Variants in PPP2R2C observed in about 807,000 individuals in gnomAD.
PPP2R2C encodes protein phosphatase 2 regulatory subunit Bgamma, also known as protein phosphatase 2, regulatory subunit B, gamma.
A neutral mutation model predicts 45.3 loss-of-function variants in PPP2R2C; 10 were observed. The observed-to-expected ratio is 0.22, with a 90% CI of 0.14 to 0.37. The LOEUF (loss-of-function observed/expected upper bound fraction) is 0.37, where lower values mean the gene tolerates loss of function less well. Ranked by LOEUF, PPP2R2C falls within the 10% of genes least tolerant of loss-of-function variation. PPP2R2C has a pLI of 1.00. For missense variants in PPP2R2C, 308 were observed against 619.7 expected, an observed-to-expected ratio of 0.50 and a Z score of 5.34; for synonymous variants, 257 against 245.4, an observed-to-expected ratio of 1.05 and a Z score of -0.44.
chr4:6,513,485 T>C (rs776621815), intron 2 of PPP2R2C, among the ~76,000 whole-genome samples: 13 of 152,052 alleles, frequency 8.5e-5, no homozygotes, highest in Non-Finnish European at 7.4e-5. Context: ...CAGAAAGGCT[T>C]CCCAGGAAAC....
chr4:6,381,688 C>T (rs1715806574), intron 1 of PPP2R2C: 4 of 1,529,066 alleles, frequency 2.6e-6, no homozygotes, highest in Non-Finnish European at 3.5e-6. Context: ...GAAGCTCAGC[C>T]CTGCCTGCCC....
chr4:6,456,347 G>A (rs1000600793), intron 1 of PPP2R2C, among the ~76,000 whole-genome samples: 2 of 143,598 alleles, frequency 1.4e-5, no homozygotes, highest in African/African-American at 5.1e-5. Flanking sequence ...ACGTTCAAAC[G>A]TTTCTGTAAT....
chr4:6,512,104 G>A (rs1577231056), intron 2 of PPP2R2C, among the ~76,000 whole-genome samples: 2 of 60,770 alleles, frequency 3.3e-5, no homozygotes. Context: ...GGTGGTGGTG[G>A]TGGTGGTGAT....
intron 1 of PPP2R2C, among the ~76,000 whole-genome samples, chr4:6,419,948 C>T (rs1718853200): frequency 6.6e-6 from 1 of 152,186 alleles, no homozygotes; most frequent in African/African-American, 2.4e-5. Flanking sequence ...CTCATCTTAA[C>T]TAGTGACATA....
At chr4:6,485,789 C>T (rs1476946895) in intron 2 of PPP2R2C, among the ~76,000 whole-genome samples, 2 of 151,866 alleles carry the variant, frequency 1.3e-5, no homozygotes, top group East Asian at 1.9e-4. Flanking sequence ...AGAGGTTTAT[C>T]GATTTTACTG....
At position 6,329,200 on chromosome 4, in the gene PPP2R2C, C is replaced by T. The variant is rs1319335259; in HGVS notation, c.1052+62G>A. 1.3e-6 allele frequency: 2 copies of T among 1,506,600 alleles called. No homozygotes were observed. Among genetic ancestry groups the T allele is most frequent in the South Asian group, 1.2e-5 (1 of 86,534 alleles). 93.3% of individuals were successfully genotyped at this position (1,506,600 alleles called of 1,614,324 possible). ...CGGGTCACCGGAATCCCAGCCCAGA[C>T]CCCTGCAGGGCAGAAACCCTCCCTA... On this transcript the variant is annotated intron_variant, in intron 8 of 8. Coordinates refer to ENST00000382599, the MANE Select transcript of PPP2R2C (RefSeq NM_020416.4). The surrounding 1 kb of genome is among the most constrained non-coding windows in gnomAD (Gnocchi z 5.8).
chr4:6,433,720 C>A (rs527703071), intron 1 of PPP2R2C, among the ~76,000 whole-genome samples: 1 of 152,306 alleles, frequency 6.6e-6, no homozygotes, highest in African/African-American at 2.4e-5. Flanking sequence ...TCATTCTTTC[C>A]CTTGAATTGA....
At chr4:6,551,472 C>T (rs1218711715) in intron 1 of PPP2R2C, among the ~76,000 whole-genome samples, 1 of 152,296 alleles carries the variant, frequency 6.6e-6, no homozygotes, top group East Asian at 1.9e-4. Flanking sequence ...GGCCACAAGT[C>T]CCCCCATCAA....
At chr4:6,467,801 G>A (rs897391273) in intron 1 of PPP2R2C, among the ~76,000 whole-genome samples, 1 of 152,194 alleles carries the variant, frequency 6.6e-6, no homozygotes, top group African/African-American at 2.4e-5. Flanking sequence ...AGGCCTCTAT[G>A]TCCTGGATCT....
chr4:6,480,238 T>C (rs567695774), intron 2 of PPP2R2C, among the ~76,000 whole-genome samples: 2 of 152,352 alleles, frequency 1.3e-5, no homozygotes, highest in Non-Finnish European at 1.5e-5. Context: ...GATCACACCA[T>C]ACTACAAACT....
intron 1 of PPP2R2C, among the ~76,000 whole-genome samples, chr4:6,402,431 C>A (rs1717477046): frequency 6.6e-6 from 1 of 152,052 alleles, no homozygotes; most frequent in African/African-American, 2.4e-5. Flanking sequence ...TTCTCACCTG[C>A]AAAATGGGCA....
At chr4:6,512,653 A>G (rs947134543) in intron 2 of PPP2R2C, among the ~76,000 whole-genome samples, 8 of 123,744 alleles carry the variant, frequency 6.5e-5, no homozygotes, top group East Asian at 2.4e-4. Flanking sequence ...GATGGTGCTG[A>G]TGGTGGTGGT....
At chr4:6,446,659 GC>G (rs1720435125) in intron 1 of PPP2R2C, among the ~76,000 whole-genome samples, 1 of 152,040 alleles carries the variant, frequency 6.6e-6, no homozygotes. Flanking sequence ...CGAGTTCCCT[GC>G]CTCCAAGAAC....
intron 1 of PPP2R2C, among the ~76,000 whole-genome samples, chr4:6,434,740 C>A (rs1719814272): frequency 6.6e-6 from 1 of 152,168 alleles, no homozygotes; most frequent in South Asian, 2.1e-4. Flanking sequence ...TTCCCTCATA[C>A]CTGCACCATC....
chr4:6,491,243 A>G (rs1722690886), intron 2 of PPP2R2C, among the ~76,000 whole-genome samples: 2 of 152,206 alleles, frequency 1.3e-5, no homozygotes, highest in African/African-American at 4.8e-5. Context: ...GAGGCCAGTA[A>G]GTGGCTCAGG....
rs781154034 is a variant in PPP2R2C, at chr4:6,332,890, C to T, written c.960+672G>A. On this transcript the variant is annotated intron_variant, in intron 7 of 8. Transcript: ENST00000382599. The surrounding 1 kb of genome is among the most constrained non-coding windows in gnomAD (Gnocchi z 4.9). ...CAAGGCCCAGCACAAATGCCACCTC[C>T]TCCAAGAAGCCTCCCTGATCTCCCC... Among the ~76,000 whole-genome samples the T allele has an allele frequency of 2.6e-5, 4 of 152,222 alleles. No homozygotes were observed. The highest frequency in any genetic ancestry group is 5.9e-5 in the Non-Finnish European group (4 of 68,042).
At chr4:6,550,909 G>A (rs1481813019) in intron 1 of PPP2R2C, among the ~76,000 whole-genome samples, 2 of 152,294 alleles carry the variant, frequency 1.3e-5, no homozygotes, top group African/African-American at 2.4e-5. Context: ...GCATCCCAAA[G>A]TGCTGGGGTT....
intron 2 of PPP2R2C, among the ~76,000 whole-genome samples, chr4:6,509,482 A>AT (rs560032206): frequency 1.1e-3 from 171 of 152,284 alleles, no homozygotes; most frequent in African/African-American, 3.8e-3. Context: ...TGGCAAAAAA[A>AT]AAATAAATAA....
chr4:6,356,785 G>A (rs1004014370), intron 5 of PPP2R2C, among the ~76,000 whole-genome samples: 1 of 152,230 alleles, frequency 6.6e-6, no homozygotes, highest in African/African-American at 2.4e-5. Flanking sequence ...GGAGCCTCGG[G>A]CTAGCCTCTC....
Sources: allele counts gnomAD v4.1 joint callset (sites outside exome capture counted in the v4.1 genomes callset), GRCh38; gene constraint gnomAD v4.1.1; non-coding constraint Gnocchi (gnomAD v3.1); transcripts MANE v1.5; gene names NCBI Gene and HGNC (gene_info 2026-07-23, HGNC 2026-07-21).